The following RNF213 variants were observed in gnomAD, a reference collection of about 807,000 sequenced individuals.
RNF213 encodes E3 ubiquitin-protein ligase RNF213.
RNF213 carries 341 observed loss-of-function variants against 514.4 expected under a neutral mutation model. The ratio of observed to expected loss-of-function variants is 0.66; its 90% confidence interval spans 0.61 to 0.73. The LOEUF (loss-of-function observed/expected upper bound fraction) is 0.73. Among genes scored for constraint, RNF213 ranks in the 30% least tolerant of loss-of-function variants. The pLI is 0.00. For synonymous variants in RNF213, 2,655 were observed against 2,658.2 expected, an observed-to-expected ratio of 1.00 and a Z score of 0.04; for missense variants, 5,767 against 6,615.6, an observed-to-expected ratio of 0.87 and a Z score of 4.45.
rs766567628 is a variant in RNF213, at chr17:80,345,378, G to C, written c.7043G>C (p.Arg2348Thr). Residue 2348 changes from arginine to threonine, a missense_variant, in exon 29 of 68, where the codon AGG (arginine) becomes ACG (threonine). Physicochemically the swap from Arg to Thr is moderately conservative, Grantham distance 71. Transcript: ENST00000582970. This position sits in a 1 kb window ranked among gnomAD's most constrained non-coding sequence, Gnocchi z 6.0. ...GKVIKRDVMTRDLYQGLLLQR... is the reference protein window; with the variant it reads ...GKVIKRDVMTTDLYQGLLLQR... ...GTCATCAAGAGAGACGTCATGACCA[G>C]GGACCTGTACCAGGGCCTGCTGCTC... 4 of 1,614,104 alleles carry C rather than the reference G, an allele frequency of 2.5e-6. No individual in the cohort carries two copies. Among genetic ancestry groups the C allele is most frequent in the South Asian group, 1.1e-5 (1 of 91,076 alleles).
At chr17:80,290,312 C>T (rs1273945219) in intron 6 of RNF213, among the ~76,000 whole-genome samples, 10 of 151,758 alleles carry the variant, frequency 6.6e-5, no homozygotes, top group African/African-American at 1.5e-4. Flanking sequence ...TGGGTGTGTG[C>T]GTGTGCGTTC....
In RNF213 at chr17:80,340,034, C is replaced by T. The variant is rs900581461; in HGVS notation, c.5667C>T (p.His1889=). The T allele has an allele frequency of 6.5e-7, 1 of 1,548,896 alleles. No individual in the cohort carries two copies. The stretch of plus-strand genomic sequence containing the variant: ...GCCTGACCCTGGGCTCCCTGGGGCA[C>T]AAGGTCTACAGCCTGCTGTTCGCAG... The part of the protein sequence containing the change: ...RRCLTLGSLG[H]KVYSLLFADQ... The change falls in exon 26 of 68, where the codon CAC becomes CAT. Residue 1889 remains histidine (H), a synonymous_variant. Coordinates refer to ENST00000582970, the MANE Select transcript of RNF213 (RefSeq NM_001256071.3).
intron 38 of RNF213, chr17:80,360,523 C>T (rs556445132): frequency 2.6e-6 from 1 of 390,162 alleles, no homozygotes; most frequent in African/African-American, 2.1e-5. Flanking sequence ...AGGACTGTCG[C>T]CTCTATCAGC....
intron 16 of RNF213, among the ~76,000 whole-genome samples, chr17:80,318,784 A>G (rs979555494): frequency 3.9e-5 from 6 of 152,236 alleles, no homozygotes; most frequent in African/African-American, 7.2e-5. Flanking sequence ...CGTGTTAGCC[A>G]GGATGGTCTC....
chr17:80,387,037 C>A, intron 63 of RNF213, 146 bp downstream of exon 63: 1 of 782,936 alleles, frequency 1.3e-6, no homozygotes, highest in African/African-American at 1.7e-5. Context: ...CTCCCGAGGC[C>A]ACCACGCCAC....
Position 80,354,237 on chromosome 17 carries a change from CTG to C in RNF213, c.10726+77_10726+78del, listed in dbSNP as rs964685244. On this transcript the variant is annotated intron_variant, in intron 35 of 67. Coordinates refer to ENST00000582970, the MANE Select transcript of RNF213 (RefSeq NM_001256071.3). ...TTCCTGAGGAGTGGGCATCATTTCA[CTG>C]TGTGTTGGGGGACACCCTCTCAGGT... 7.2e-5 allele frequency: 113 copies of C among 1,567,506 alleles called. No individual in the cohort carries two copies. In the African/African-American group the frequency reaches 1.3e-3, roughly 18 times the overall value.
At position 80,347,779 on chromosome 17, in the gene RNF213, G is replaced by C; in HGVS notation, c.9444G>C (p.Leu3148=). ...GTCGGGTTCACCCCAACTTCCGCCT[G>C]ATTGTCATTGAAGAGAAAGACGTCG... ...VKCRVHPNFR[L]IVIEEKDVVY... The change falls in exon 29 of 68, where the codon CTG becomes CTC. Residue 3148 remains leucine, a synonymous_variant. Coordinates refer to ENST00000582970, the MANE Select transcript of RNF213 (RefSeq NM_001256071.3). The surrounding 1 kb of genome is among the most constrained non-coding windows in gnomAD (Gnocchi z 7.2). 6.2e-7 allele frequency: 1 copy of C among 1,614,192 alleles called. No homozygotes were observed. Among genetic ancestry groups the C allele is most frequent in the Non-Finnish European group, 8.5e-7 (1 of 1,180,048 alleles).
At chr17:80,272,982 G>C (rs9890733) in intron 2 of RNF213, among the ~76,000 whole-genome samples, 1 of 152,110 alleles carries the variant, frequency 6.6e-6, no homozygotes, top group South Asian at 2.1e-4. Flanking sequence ...GTGGACATTG[G>C]GAGGAAGAGG....
intron 2 of RNF213, among the ~76,000 whole-genome samples, chr17:80,268,630 TC>T (rs2043692769): frequency 8.1e-6 from 1 of 122,740 alleles, no homozygotes; most frequent in Non-Finnish European, 1.6e-5. Context: ...CATCCATCCA[TC>T]CATCCGTTTA....
At chr17:80,301,132 C>T (rs946633134) in intron 11 of RNF213, among the ~76,000 whole-genome samples, 1 of 152,130 alleles carries the variant, frequency 6.6e-6, no homozygotes, top group African/African-American at 2.4e-5. Context: ...TGTGCAAAAG[C>T]TCCTCAGTTT....
intron 16 of RNF213, among the ~76,000 whole-genome samples, chr17:80,318,404 C>T (rs1199189198): frequency 6.6e-6 from 1 of 152,032 alleles, no homozygotes; most frequent in Non-Finnish European, 1.5e-5. Flanking sequence ...CAATGGGGCC[C>T]CAGGCACAGG....
rs1158834700 is a variant in RNF213, at chr17:80,395,680, C to G, written c.*2182C>G. On this transcript the variant is annotated 3_prime_UTR_variant, in exon 68 of 68. Coordinates refer to ENST00000582970, the MANE Select transcript of RNF213 (RefSeq NM_001256071.3). Reference sequence around the variant, plus strand: ...AGGTAGGAGCTAACTAACTTCACCCCTGAGTCCACTTGCGGGGTAAGAGAT... The same window carrying G: ...AGGTAGGAGCTAACTAACTTCACCCGTGAGTCCACTTGCGGGGTAAGAGAT... 2 of 152,036 alleles carry G rather than the reference C, an allele frequency of 1.3e-5. No individual in the cohort carries two copies. The highest frequency in any genetic ancestry group is 1.3e-4 in the Admixed American group (2 of 15,258). The allele number at this position is 152,036 out of a possible 1,614,324, so 9.4% of individuals were successfully genotyped here.
In RNF213 at chr17:80,383,777, C is replaced by T; in HGVS notation, c.14171C>T (p.Thr4724Ile). 1 of 1,614,136 alleles carries T rather than the reference C, an allele frequency of 6.2e-7. No homozygotes were observed. Among genetic ancestry groups the T allele is most frequent in the East Asian group, 2.2e-5 (1 of 44,886 alleles). ...VAKIIYGDPV[T>I]FLPHLPRKSV... ...AAAATAATATATGGTGACCCAGTGA[C>T]CTTCCTGCCCCACCTGCCCCGGAAA... Residue 4724 changes from threonine (T) to isoleucine (I), a missense_variant, in exon 59 of 68, where the codon ACC becomes ATC. Coordinates refer to ENST00000582970, the MANE Select transcript of RNF213 (RefSeq NM_001256071.3).
intron 36 of RNF213, chr17:80,355,360 A>ATGGGAATGGGGG (rs2078704027): frequency 2.5e-6 from 1 of 399,080 alleles, no homozygotes; most frequent in African/African-American, 2.4e-5. Flanking sequence ...AGCGGGGTGA[A>ATGGGAATGGGGG]CGGGAATGGG....
At position 80,290,727 on chromosome 17, in the gene RNF213, A is replaced by G. The variant is rs543706430; in HGVS notation, c.1270A>G (p.Arg424Gly). Residue 424 changes from arginine (R) to glycine (G), a missense_variant and splice_region_variant, in exon 7 of 68, where the codon AGA (arginine) becomes GGA (glycine). This residue lies in a region of RNF213 where 592 missense variants were observed against 673.9 expected (regional missense o/e 0.88). Coordinates refer to ENST00000582970, the MANE Select transcript of RNF213 (RefSeq NM_001256071.3). ...CAATATCTGTGAGCTGCACTACACC[A>G]GGTGAGCGTGTCTGTAGGCTTGGGA... is the stretch of plus-strand genomic sequence containing the variant. ...DSNICELHYT[R>G]DLGHDRVLVE... 6.2e-7 allele frequency: 1 copy of G among 1,614,208 alleles called. No individual in the cohort carries two copies. Among genetic ancestry groups the G allele is most frequent in the South Asian group, 1.1e-5 (1 of 91,088 alleles).
chr17:80,339,281 C>T lies in RNF213; in HGVS notation c.4914C>T (p.Ile1638=), dbSNP rs538274127. 1.6e-5 allele frequency: 24 copies of T among 1,534,702 alleles called. No homozygotes were observed. The Admixed American group carries it at 3.5e-4, about 23-fold the overall frequency. Residue 1638 remains isoleucine (I), a synonymous_variant, in exon 26 of 68, where the codon ATC becomes ATT. Transcript: ENST00000582970. ...SAGNMLFRTW[I]AMAYCSPKQG... ...GGAATATGCTGTTCAGGACGTGGAT[C>T]GCCATGGCCTACTGCTCCCCCAAGC...
At position 80,282,446 on chromosome 17, in the gene RNF213, C is replaced by T. The variant is rs891219354; in HGVS notation, c.262-5369C>T. Reference sequence around the variant, plus strand: ...TGGAGTCTCACTCTGTCGCCCAGGCCGGAGTGCAGTGGCACAATCTCGGCT... The same window carrying T: ...TGGAGTCTCACTCTGTCGCCCAGGCTGGAGTGCAGTGGCACAATCTCGGCT... On this transcript the variant is annotated intron_variant, in intron 3 of 67. Transcript: ENST00000582970. Among the ~76,000 whole-genome samples the T allele has an allele frequency of 7.9e-5, 12 of 151,722 alleles. No homozygotes were observed. In the East Asian group the frequency reaches 9.7e-4, roughly 12 times the overall value.
chr17:80,279,276 G>C (rs2044174656), intron 3 of RNF213, among the ~76,000 whole-genome samples: 1 of 152,194 alleles, frequency 6.6e-6, no homozygotes, highest in Non-Finnish European at 1.5e-5. Flanking sequence ...TCACCACAGA[G>C]AGCAGCAGGG....
chr17:80,262,644 C>T (rs968118869), intron 1 of RNF213, among the ~76,000 whole-genome samples: 12 of 152,174 alleles, frequency 7.9e-5, no homozygotes, highest in Admixed American at 5.9e-4. Context: ...GGATAGCTTC[C>T]CAGAACTCCT....
Sources: gnomAD v4.1 joint callset for allele counts (sites outside exome capture counted in the v4.1 genomes callset) on GRCh38, gnomAD v4.1.1 for gene constraint, gnomAD v4.1.1 regional missense constraint, Gnocchi (gnomAD v3.1) non-coding constraint, MANE v1.5 for transcripts, NCBI Gene and HGNC (gene_info 2026-07-23, HGNC 2026-07-21) for gene names.